LAMA2: variants seen among roughly 807,000 people sequenced by gnomAD.
LAMA2 encodes laminin subunit alpha-2.
In LAMA2, 269 loss-of-function variants were observed where a neutral mutation model predicts 364.8. That is an observed-to-expected ratio of 0.74 (90% CI 0.67 to 0.82). LAMA2 has a LOEUF of 0.82. LAMA2 is among the 40% of genes least tolerant of loss of function. LAMA2 has a pLI of 0.00. For missense variants in LAMA2, 3,807 were observed against 3,873.2 expected (o/e 0.98, Z 0.45); for synonymous variants, 1,379 against 1,370.6 (o/e 1.01, Z -0.14).
intron 49 of LAMA2, among the ~76,000 whole-genome samples, chr6:129,463,914 G>T (rs186204687): frequency 1.3e-5 from 2 of 151,918 alleles, no homozygotes; most frequent in Non-Finnish European, 2.9e-5. Context: ...CAAATATTCA[G>T]AGTAGGATCC....
chr6:129,005,419 CTCA>C (rs1220222765), intron 1 of LAMA2, among the ~76,000 whole-genome samples: 2 of 151,864 alleles, frequency 1.3e-5, no homozygotes, highest in Non-Finnish European at 2.9e-5. Context: ...TACTAACATT[CTCA>C]TCAGGCTTTT....
intron 1 of LAMA2, among the ~76,000 whole-genome samples, chr6:128,991,768 T>C (rs1309828275): frequency 6.6e-6 from 1 of 152,144 alleles, no homozygotes; most frequent in African/African-American, 2.4e-5. Flanking sequence ...ACCATTCAAG[T>C]TTTAATTTTT....
At chr6:129,243,373 C>T (rs1416171778) in intron 12 of LAMA2, among the ~76,000 whole-genome samples, 1 of 152,048 alleles carries the variant, frequency 6.6e-6, no homozygotes, top group African/African-American at 2.4e-5. Flanking sequence ...CTCTTTTTCC[C>T]CTTGCCAATC....
intron 28 of LAMA2, among the ~76,000 whole-genome samples, chr6:129,325,515 G>A (rs1351235197): frequency 6.6e-6 from 1 of 150,488 alleles, no homozygotes; most frequent in Non-Finnish European, 1.5e-5. Context: ...AAATAATCAA[G>A]GAAAAGAGAG....
Position 129,310,045 on chromosome 6 carries a change from G to A in LAMA2, c.3175-2816G>A, listed in dbSNP as rs1562443645. 2.0e-5 allele frequency among the ~76,000 whole-genome samples: 3 copies of A among 151,168 alleles called. No homozygotes were observed. In the East Asian group the frequency reaches 5.9e-4, roughly 30 times the overall value. On this transcript the variant is annotated intron_variant, in intron 22 of 64. Transcript: ENST00000421865. ...CTCCCGAGTAGCTGGGACTACAGGC[G>A]CCCGCTACCACGCCCGGCTAATTTT... is the stretch of plus-strand genomic sequence containing the variant.
chr6:129,216,517 G>A (rs575399099), intron 12 of LAMA2, among the ~76,000 whole-genome samples: 2 of 152,230 alleles, frequency 1.3e-5, no homozygotes, highest in South Asian at 4.1e-4. Flanking sequence ...AATGGTTGAA[G>A]TACAAAAACA....
intron 29 of LAMA2, 89 bp from the exon 30 acceptor site, chr6:129,342,254 C>T: frequency 8.9e-7 from 1 of 1,117,632 alleles, no homozygotes; most frequent in Admixed American, 1.7e-5. Context: ...TGTTCATAGA[C>T]ACACATTCAT....
chr6:129,502,698 G>C lies in LAMA2; in HGVS notation c.8284G>C (p.Gly2762Arg). The change falls in exon 59 of 65, where the codon GGG becomes CGG. Residue 2762 changes from glycine (G) to arginine (R), a missense_variant. Gly to Arg is a moderately radical substitution (Grantham distance 125, BLOSUM62 -2). Coordinates refer to ENST00000421865, the MANE Select transcript of LAMA2 (RefSeq NM_000426.4). ...AAESEPALLI[G>R]SKQFGLSRNS... ...AGAATCAGAACCAGCTCTTTTGATA[G>C]GGAGCAAGCAGTTCGGGCTTTCAAG... 1 of 1,614,054 alleles carries C rather than the reference G, an allele frequency of 6.2e-7. No individual in the cohort carries two copies. The highest frequency in any genetic ancestry group is 2.2e-5 in the East Asian group (1 of 44,868).
At chr6:129,375,996 G>A (rs1185835823) in intron 34 of LAMA2, among the ~76,000 whole-genome samples, 1 of 152,050 alleles carries the variant, frequency 6.6e-6, no homozygotes, top group Non-Finnish European at 1.5e-5. Context: ...GTGACTCTTT[G>A]TAAGCCTTAT....
At chr6:128,911,171 C>T (rs182581265) in intron 1 of LAMA2, among the ~76,000 whole-genome samples, 3 of 152,138 alleles carry the variant, frequency 2.0e-5, no homozygotes, top group Non-Finnish European at 4.4e-5. Flanking sequence ...ACACCCAGTT[C>T]GAGCTTCCCG....
At chr6:129,012,510 A>T (rs1234447902) in intron 1 of LAMA2, among the ~76,000 whole-genome samples, 5 of 152,148 alleles carry the variant, frequency 3.3e-5, no homozygotes, top group African/African-American at 9.7e-5. Context: ...ATTTAGAATA[A>T]TTTTTGTTTG....
chr6:129,094,774 C>G (rs139762360), intron 3 of LAMA2, among the ~76,000 whole-genome samples: 8 of 152,112 alleles, frequency 5.3e-5, no homozygotes, highest in Non-Finnish European at 8.8e-5. Flanking sequence ...CACAAGAACA[C>G]GCAGTATTTT....
chr6:129,259,460 T>C (rs1786961073), intron 14 of LAMA2, among the ~76,000 whole-genome samples: 1 of 152,134 alleles, frequency 6.6e-6, no homozygotes, highest in South Asian at 2.1e-4. Flanking sequence ...ATAAAATGTC[T>C]ATCGGTAATT....
intron 1 of LAMA2, among the ~76,000 whole-genome samples, chr6:128,890,405 T>TA (rs1466528789): frequency 1.3e-5 from 2 of 152,126 alleles, no homozygotes; most frequent in Non-Finnish European, 2.9e-5. Context: ...TTTATATATT[T>TA]ATCTTTCATA....
intron 12 of LAMA2, among the ~76,000 whole-genome samples, chr6:129,215,758 T>C (rs1249330313): frequency 2.6e-5 from 4 of 152,158 alleles, no homozygotes; most frequent in Non-Finnish European, 5.9e-5. Context: ...GATTCTTTAA[T>C]CTAATAACTC....
At chr6:129,330,526 A>C (rs1775567212) in intron 29 of LAMA2, among the ~76,000 whole-genome samples, 2 of 141,416 alleles carry the variant, frequency 1.4e-5, no homozygotes, top group South Asian at 2.2e-4. Context: ...ACTCTTCCAT[A>C]CTCTTCACTT....
chr6:128,983,961 T>A (rs1346143960), intron 1 of LAMA2, among the ~76,000 whole-genome samples: 1 of 152,174 alleles, frequency 6.6e-6, no homozygotes, highest in Non-Finnish European at 1.5e-5. Flanking sequence ...TGATATTTAT[T>A]TAGTGTGCAC....
chr6:129,410,797 T>C (rs1428465347), intron 40 of LAMA2, among the ~76,000 whole-genome samples: 1 of 152,184 alleles, frequency 6.6e-6, no homozygotes, highest in Non-Finnish European at 1.5e-5. Flanking sequence ...AGATTTATTA[T>C]GAAGAATTGG....
chr6:129,349,442 G>T, intron 31 of LAMA2, 58 bp downstream of exon 31: 2 of 1,261,176 alleles, frequency 1.6e-6, no homozygotes, highest in Non-Finnish European at 1.2e-6. Flanking sequence ...ATGGTAAAGG[G>T]TCACAATAGG....
Sources: gnomAD v4.1 joint callset for allele counts (sites outside exome capture counted in the v4.1 genomes callset) on GRCh38, gnomAD v4.1.1 for gene constraint, MANE v1.5 for transcripts, NCBI Gene and HGNC (gene_info 2026-07-23, HGNC 2026-07-21) for gene names.